The following LBH variants were observed in gnomAD, a reference collection of about 807,000 sequenced individuals.
LBH encodes the protein protein LBH.
LBH carries 7 observed loss-of-function variants against 12.5 expected under a neutral mutation model. The ratio of observed to expected loss-of-function variants is 0.56; its 90% CI spans 0.32 to 1.05. LBH has a LOEUF of 1.05. Ranked by LOEUF, LBH falls within the 50% of genes least tolerant of loss-of-function variation. The pLI, the probability that LBH is intolerant of heterozygous loss-of-function variation, is 0.04. For missense variants in LBH, 119 were observed against 138.9 expected, an observed-to-expected ratio of 0.86 and a Z score of 0.72; for synonymous variants, 51 against 50.1, an observed-to-expected ratio of 1.02 and a Z score of -0.08.
intron 2 of LBH, among the ~76,000 whole-genome samples, chr2:30,240,742 C>A (rs1037053852): frequency 6.6e-6 from 1 of 152,180 alleles, no homozygotes; most frequent in African/African-American, 2.4e-5. Context: ...ACTTTGGGAG[C>A]CCCCTCAAGC....
chr2:30,249,546 G>A lies in LBH; in HGVS notation c.130-7887G>A, dbSNP rs1026612165. On this transcript the variant is annotated intron_variant, in intron 2 of 2. Coordinates refer to ENST00000395323, the MANE Select transcript of LBH (RefSeq NM_030915.4). ...AGAGGAAGGCCTCTGGTTGGGGGCGGGGTAGTGACAAGGGCATGGTTTTCA... is the reference window on the plus strand; with the variant it reads ...AGAGGAAGGCCTCTGGTTGGGGGCGAGGTAGTGACAAGGGCATGGTTTTCA... 2.0e-5 allele frequency among the ~76,000 whole-genome samples: 3 copies of A among 152,218 alleles called. No homozygotes were observed. The East Asian group carries it at 5.8e-4, about 29-fold the overall frequency.
chr2:30,243,127 A>G (rs1677817622), intron 2 of LBH, among the ~76,000 whole-genome samples: 1 of 152,256 alleles, frequency 6.6e-6, no homozygotes, highest in African/African-American at 2.4e-5. Context: ...TAAAGTGTTT[A>G]GGAGATATTG....
At chr2:30,247,036 G>C (rs1158484284) in intron 2 of LBH, among the ~76,000 whole-genome samples, 1 of 151,960 alleles carries the variant, frequency 6.6e-6, no homozygotes, top group Non-Finnish European at 1.5e-5. Context: ...GCCCAGGCTT[G>C]TCTTGAAATC....
intron 2 of LBH, among the ~76,000 whole-genome samples, chr2:30,252,676 CCT>C (rs1293733852): frequency 6.6e-6 from 1 of 151,474 alleles, no homozygotes; most frequent in Non-Finnish European, 1.5e-5. Flanking sequence ...AAAAAAAAAA[CCT>C]CTTTCCTTTA....
Position 30,257,893 on chromosome 2 carries a change from G to A in LBH, c.*272G>A. ...AGAGCCAGGGGGTTAGTGGGTGAGGGGAGCGAGTGCTGTTTTTGAGATCAT... is the reference window on the plus strand; with the variant it reads ...AGAGCCAGGGGGTTAGTGGGTGAGGAGAGCGAGTGCTGTTTTTGAGATCAT... On this transcript the variant is annotated 3_prime_UTR_variant, in exon 3 of 3. Transcript: ENST00000395323. 1 of 300,214 alleles carries A rather than the reference G, an allele frequency of 3.3e-6. No homozygotes were observed. The highest frequency in any genetic ancestry group is 7.3e-5 in the East Asian group (1 of 13,696). 18.6% of individuals were successfully genotyped at this position (300,214 alleles called of 1,614,324 possible).
intron 2 of LBH, among the ~76,000 whole-genome samples, chr2:30,253,398 G>A (rs1006876782): frequency 1.4e-4 from 21 of 152,178 alleles, no homozygotes; most frequent in African/African-American, 5.1e-4. Context: ...CAATTTTGAG[G>A]CCCAAATGGG....
At chr2:30,232,579 C>T (rs1677611943) in intron 1 of LBH, 1 of 179,040 alleles carries the variant, frequency 5.6e-6, no homozygotes, top group African/African-American at 2.4e-5. Flanking sequence ...CCGGCAGCCC[C>T]GGAGCGCGCT....
intron 2 of LBH, among the ~76,000 whole-genome samples, chr2:30,239,659 C>T (rs1380728086): frequency 6.6e-6 from 1 of 152,114 alleles, no homozygotes; most frequent in Non-Finnish European, 1.5e-5. Flanking sequence ...TCCCTACTCC[C>T]CCCACCCGCC....
At position 30,257,655 on chromosome 2, in the gene LBH, A is replaced by G; in HGVS notation, c.*34A>G. ...TGGACTCCCATGGGTCATACCAGCC[A>G]GCATCTGTTCCTGAACTGTGTTTTT... On this transcript the variant is annotated 3_prime_UTR_variant, in exon 3 of 3. Coordinates refer to ENST00000395323, the MANE Select transcript of LBH (RefSeq NM_030915.4). 1 of 1,487,234 alleles carries G rather than the reference A, an allele frequency of 6.7e-7. No homozygotes were observed. Among genetic ancestry groups the G allele is most frequent in the South Asian group, 1.3e-5 (1 of 79,818 alleles). The allele number at this position is 1,487,234 out of a possible 1,614,324, so 92.1% of individuals were successfully genotyped here.
At chr2:30,257,293 C>A in intron 2 of LBH, 140 bp from the exon 3 acceptor site, 1 of 849,130 alleles carries the variant, frequency 1.2e-6, no homozygotes, top group Non-Finnish European at 1.9e-6. Context: ...ACCTTATATA[C>A]TCCACAGCCT....
rs1197872934 is a variant in LBH, at chr2:30,257,599, C to A, written c.296C>A (p.Ala99Glu). ...EDEQDNCEET[A>E]KENKEQ is the part of the protein sequence containing the mutation. ...GAGCAAGATAACTGCGAAGAGACAG[C>A]GAAAGAAAATAAAGAGCAGTAGAGT... Residue 99 changes from alanine (A) to glutamate (E), a missense_variant, in exon 3 of 3, where the codon GCG (alanine) becomes GAG (glutamate). By Grantham distance (107) the Ala-to-Glu change is moderately radical (BLOSUM62 -1). Transcript: ENST00000395323. 15 of 1,612,506 alleles carry A rather than the reference C, an allele frequency of 9.3e-6. No individual in the cohort carries two copies. The highest frequency in any genetic ancestry group is 1.2e-5 in the Non-Finnish European group (14 of 1,179,286).
intron 2 of LBH, among the ~76,000 whole-genome samples, chr2:30,256,003 A>G (rs1678077706): frequency 6.6e-6 from 1 of 152,178 alleles, no homozygotes; most frequent in Non-Finnish European, 1.5e-5. Flanking sequence ...GATGGCCATG[A>G]AGGTGCCAAG....
At chr2:30,246,248 G>C (rs1677867606) in intron 2 of LBH, among the ~76,000 whole-genome samples, 1 of 152,140 alleles carries the variant, frequency 6.6e-6, no homozygotes. Context: ...GTGAGCCACT[G>C]CACCTGGCCC....
At chr2:30,252,429 A>G (rs535141674) in intron 2 of LBH, among the ~76,000 whole-genome samples, 3 of 152,258 alleles carry the variant, frequency 2.0e-5, no homozygotes, top group East Asian at 3.9e-4. Context: ...TTGGGAGGCC[A>G]GGGCGGGCGG....
chr2:30,251,667 A>T (rs1416029360), intron 2 of LBH, among the ~76,000 whole-genome samples: 60 of 99,924 alleles, frequency 6.0e-4, no homozygotes, highest in Middle Eastern at 5.3e-3. Flanking sequence ...ACCCTATCTC[A>T]AGAAAAAAAA....
intron 2 of LBH, among the ~76,000 whole-genome samples, chr2:30,241,535 C>A (rs1165904726): frequency 6.7e-6 from 1 of 149,872 alleles, no homozygotes; most frequent in African/African-American, 2.5e-5. Context: ...TCTCAGCTCA[C>A]TGCAACCTCC....
chr2:30,232,272 A>AC, intron 1 of LBH: 1 of 1,500,506 alleles, frequency 6.7e-7, no homozygotes, highest in East Asian at 2.5e-5. Context: ...CCCACACGTA[A>AC]CCCCACTAAA....
chr2:30,235,906 A>G (rs935288955), intron 2 of LBH, among the ~76,000 whole-genome samples: 1 of 151,408 alleles, frequency 6.6e-6, no homozygotes, highest in Non-Finnish European at 1.5e-5. Context: ...AGCAAGGGGG[A>G]ACTCTCTTTG....
intron 2 of LBH, among the ~76,000 whole-genome samples, chr2:30,253,469 A>T (rs80227407): frequency 0.019 from 2,956 of 152,322 alleles, 101 homozygotes; most frequent in African/African-American, 0.067. Flanking sequence ...AGTAATTTTT[A>T]AAAATACAAT....
Sources: allele counts gnomAD v4.1 joint callset (sites outside exome capture counted in the v4.1 genomes callset), GRCh38; gene constraint gnomAD v4.1.1; transcripts MANE v1.5; gene names NCBI Gene and HGNC (gene_info 2026-07-23, HGNC 2026-07-21).